The following KLHL1 variants were observed in gnomAD, a reference collection of about 807,000 sequenced individuals.
The protein encoded by KLHL1 is kelch-like protein 1.
KLHL1 carries 47 observed loss-of-function variants against 77.7 expected under a neutral mutation model. The ratio of observed to expected loss-of-function variants is 0.60; its 90% confidence interval spans 0.48 to 0.77. The LOEUF is 0.77. KLHL1 is among the 30% of genes least tolerant of loss of function. The pLI, the probability that KLHL1 is intolerant of heterozygous loss-of-function variation, is 0.00. For missense variants in KLHL1, 925 were observed against 910.8 expected, an observed-to-expected ratio of 1.02 and a Z score of -0.20; for synonymous variants, 360 against 325.2, an observed-to-expected ratio of 1.11 and a Z score of -1.15.
intron 1 of KLHL1, among the ~76,000 whole-genome samples, chr13:70,048,192 C>T (rs1346833872): frequency 2.0e-5 from 3 of 152,102 alleles, no homozygotes; most frequent in African/African-American, 7.2e-5. Flanking sequence ...TTCAAAAAGT[C>T]TGATAGTCCT....
rs1881073059 is a variant in KLHL1, at chr13:69,883,369, A to T, written c.1015-874T>A. ...CTCCCTTACTTACTCCATTACTTAA[A>T]ATGACTTTTATCAACTTTGCTTTTC... On this transcript the variant is annotated intron_variant, in intron 4 of 10. Transcript: ENST00000377844. 4.6e-5 allele frequency among the ~76,000 whole-genome samples: 7 copies of T among 152,238 alleles called. No homozygotes were observed. The South Asian group carries it at 6.2e-4, about 14-fold the overall frequency.
chr13:70,000,054 T>G (rs1487535621), intron 1 of KLHL1, among the ~76,000 whole-genome samples: 17 of 151,944 alleles, frequency 1.1e-4, no homozygotes, highest in Non-Finnish European at 2.9e-5. Context: ...GGTCTGTTAG[T>G]TCCCATGAGA....
At chr13:69,982,623 CCT>C in intron 1 of KLHL1, among the ~76,000 whole-genome samples, 1 of 151,348 alleles carries the variant, frequency 6.6e-6, no homozygotes, top group Admixed American at 6.6e-5. Flanking sequence ...TAAATTCTTC[CCT>C]GTCAATAATT....
chr13:69,763,676 C>T (rs957235411), intron 7 of KLHL1, among the ~76,000 whole-genome samples: 10 of 152,092 alleles, frequency 6.6e-5, no homozygotes, highest in Non-Finnish European at 1.2e-4. Flanking sequence ...GAGAACCTGA[C>T]CAAAAATGTG....
intron 1 of KLHL1, among the ~76,000 whole-genome samples, chr13:70,075,226 G>A (rs1213881665): frequency 6.6e-6 from 1 of 151,852 alleles, no homozygotes; most frequent in Non-Finnish European, 1.5e-5. Context: ...ATTCTCTTTG[G>A]AAGCTGGATG....
chr13:69,934,720 C>T (rs1158283320), intron 4 of KLHL1, among the ~76,000 whole-genome samples: 1 of 151,158 alleles, frequency 6.6e-6, no homozygotes, highest in African/African-American at 2.5e-5. Context: ...CCCTCTCCAC[C>T]ATCCCATCTA....
chr13:69,702,278 T>C (rs1319113541), intron 10 of KLHL1, among the ~76,000 whole-genome samples: 1 of 151,744 alleles, frequency 6.6e-6, no homozygotes, highest in African/African-American at 2.4e-5. Context: ...AATTGCTATA[T>C]GCTTATTAAA....
chr13:69,980,257 T>C (rs560136249), intron 1 of KLHL1, among the ~76,000 whole-genome samples: 1 of 152,344 alleles, frequency 6.6e-6, no homozygotes, highest in Admixed American at 6.5e-5. Context: ...TAAGAATAGA[T>C]TGTTAACTAA....
chr13:70,038,369 C>G (rs61519423), intron 1 of KLHL1, among the ~76,000 whole-genome samples: 2,849 of 152,170 alleles, frequency 0.019, 84 homozygotes, highest in African/African-American at 0.063. Flanking sequence ...AACAATGGTG[C>G]ACAGGTTTTT....
chr13:69,779,791 A>C (rs1169178488), intron 7 of KLHL1, among the ~76,000 whole-genome samples: 1 of 151,602 alleles, frequency 6.6e-6, no homozygotes, highest in Admixed American at 6.6e-5. Flanking sequence ...TGCAAAATTT[A>C]TTTTTTATTT....
chr13:69,978,634 G>GCC lies in KLHL1; in HGVS notation c.498-2833_498-2832insGG, dbSNP rs1234196827. ...CCTGAGTAGCTGGGATTACAGGCAT[G>GCC]CACCACCATGCCCGGCTCATTTTTG... is the stretch of plus-strand genomic sequence containing the variant. On this transcript the variant is annotated intron_variant, in intron 1 of 10. Transcript: ENST00000377844. 9.9e-4 allele frequency among the ~76,000 whole-genome samples: 150 copies of GCC among 151,844 alleles called. 1 individual carries two copies. The highest frequency in any genetic ancestry group is 1.6e-4 in the Non-Finnish European group (11 of 67,942).
At chr13:69,802,015 T>A (rs73504090) in intron 6 of KLHL1, among the ~76,000 whole-genome samples, 2,967 of 152,162 alleles carry the variant, frequency 0.019, 86 homozygotes, top group African/African-American at 0.067. Context: ...TTTGTCCCCT[T>A]GCCCCCCTAC....
intron 1 of KLHL1, among the ~76,000 whole-genome samples, chr13:69,987,834 C>T (rs935543736): frequency 6.6e-6 from 1 of 151,604 alleles, no homozygotes; most frequent in Non-Finnish European, 1.5e-5. Flanking sequence ...ATCCTTAGTA[C>T]AAAAGTTTCA....
rs150088825 is a variant in KLHL1, at chr13:69,719,392, G to A, written c.1992C>T (p.Ser664=). The part of the protein sequence containing the change: ...GHDAPASNHC[S]RLLDYVERYD... Reference sequence around the variant, plus strand: ...ACCTTTCTACATAATCCAGTAGCCGGGAACAGTGATTTGAAGCAGGAGCAT... The same window carrying A: ...ACCTTTCTACATAATCCAGTAGCCGAGAACAGTGATTTGAAGCAGGAGCAT... Residue 664 remains serine, a synonymous_variant, in exon 9 of 11, where the codon TCC becomes TCT. Transcript: ENST00000377844. 3 of 1,613,270 alleles carry A rather than the reference G, an allele frequency of 1.9e-6. No individual in the cohort carries two copies. The highest frequency in any genetic ancestry group is 2.7e-5 in the African/African-American group (2 of 74,814).
chr13:69,920,465 CAA>C (rs1240734426), intron 4 of KLHL1, among the ~76,000 whole-genome samples: 1 of 151,878 alleles, frequency 6.6e-6, no homozygotes, highest in Non-Finnish European at 1.5e-5. Context: ...AAGAATTTGG[CAA>C]AGTTACTTAA....
intron 1 of KLHL1, among the ~76,000 whole-genome samples, chr13:70,106,396 A>T (rs1456940608): frequency 6.6e-6 from 1 of 152,178 alleles, no homozygotes; most frequent in East Asian, 1.9e-4. Context: ...TTCTCTCAAA[A>T]TGTAAAACTT....
intron 1 of KLHL1, among the ~76,000 whole-genome samples, chr13:70,080,809 G>A (rs1887375190): frequency 6.6e-6 from 1 of 151,938 alleles, no homozygotes; most frequent in Non-Finnish European, 1.5e-5. Context: ...TGTTGGTCAG[G>A]CTGTTCATTT....
At chr13:69,924,224 G>A (rs1882738529) in intron 4 of KLHL1, among the ~76,000 whole-genome samples, 1 of 152,168 alleles carries the variant, frequency 6.6e-6, no homozygotes, top group Non-Finnish European at 1.5e-5. Context: ...GCTTTTGTGT[G>A]GAAAGGGGTA....
intron 5 of KLHL1, among the ~76,000 whole-genome samples, chr13:69,842,623 T>C (rs944219239): frequency 7.2e-5 from 11 of 151,940 alleles, no homozygotes; most frequent in Admixed American, 2.6e-4. Flanking sequence ...TGGAAAACAA[T>C]GTGGAGATTT....
Sources: gnomAD v4.1 joint callset for allele counts (sites outside exome capture counted in the v4.1 genomes callset) on GRCh38, gnomAD v4.1.1 for gene constraint, MANE v1.5 for transcripts, NCBI Gene and HGNC (gene_info 2026-07-23, HGNC 2026-07-21) for gene names.